The following STK10 variants were observed in gnomAD, a reference collection of about 807,000 sequenced individuals.
The protein encoded by STK10 is serine/threonine kinase 10.
STK10 carries 78 observed loss-of-function variants against 113.8 expected under a neutral mutation model. The observed-to-expected ratio is 0.69, with a 90% CI of 0.57 to 0.83. The LOEUF is 0.83. Ranked by LOEUF, STK10 falls within the 40% of genes least tolerant of loss-of-function variation. The probability of loss-of-function intolerance (pLI) is 0.00; values close to 1 mark genes in which losing one functional copy is unlikely to be tolerated. For missense variants in STK10, 1,109 were observed against 1,280.1 expected, an observed-to-expected ratio of 0.87 and a Z score of 2.04; for synonymous variants, 465 against 494.7, an observed-to-expected ratio of 0.94 and a Z score of 0.80.
Position 172,052,949 on chromosome 5 carries a change from T to C in STK10, c.2746A>G (p.Lys916Glu). ...HNQNLKEWRD[K>E]LRPRKKALEE... ...GTTACCTTCTTGCGCGGCCGAAGCT[T>C]GTCCCGCCATTCCTTCAGGTTCTGG... Residue 916 changes from lysine to glutamate, a missense_variant, in exon 18 of 19, where the codon AAG (lysine) becomes GAG (glutamate). Lys to Glu is a moderately conservative substitution (Grantham distance 56). Transcript: ENST00000176763. 1.2e-6 allele frequency: 2 copies of C among 1,614,108 alleles called. No homozygotes were observed. Among genetic ancestry groups the C allele is most frequent in the South Asian group, 1.1e-5 (1 of 91,074 alleles).
At chr5:172,176,477 G>A (rs537560062) in intron 1 of STK10, among the ~76,000 whole-genome samples, 38 of 152,192 alleles carry the variant, frequency 2.5e-4, no homozygotes, top group African/African-American at 9.2e-4. Context: ...CACCTGGTTC[G>A]GTCACCAGGG....
At position 172,133,463 on chromosome 5, in the gene STK10, AG is replaced by A. The variant is rs1219236788; in HGVS notation, c.322-6043del. 2.0e-5 allele frequency among the ~76,000 whole-genome samples: 3 copies of A among 152,076 alleles called. No homozygotes were observed. Among genetic ancestry groups the A allele is most frequent in the Non-Finnish European group, 2.9e-5 (2 of 68,020 alleles). On this transcript the variant is annotated intron_variant, in intron 2 of 18. Coordinates refer to ENST00000176763, the MANE Select transcript of STK10 (RefSeq NM_005990.4). This position sits in a 1 kb window ranked among gnomAD's most constrained non-coding sequence, Gnocchi z 4.9. ...AGGACTTACTCATCCCCTGCAAGGG[AG>A]GGGTAGAAGCAGGGTGCTAAGCCAG...
At chr5:172,078,300 T>C (rs1768355467) in intron 12 of STK10, among the ~76,000 whole-genome samples, 1 of 152,156 alleles carries the variant, frequency 6.6e-6, no homozygotes, top group Non-Finnish European at 1.5e-5. Flanking sequence ...AAAGTTTGCC[T>C]ACACAAAAGA....
chr5:172,128,382 C>T (rs1769674609), intron 2 of STK10, among the ~76,000 whole-genome samples: 1 of 148,104 alleles, frequency 6.8e-6, no homozygotes, highest in East Asian at 2.0e-4. Flanking sequence ...GCTCTTGTCA[C>T]CCAGGCTAGC....
intron 12 of STK10, among the ~76,000 whole-genome samples, chr5:172,065,028 C>G (rs1036118713): frequency 3.9e-5 from 6 of 152,336 alleles, no homozygotes; most frequent in African/African-American, 7.2e-5. Context: ...TCCAACTCCC[C>G]CAGAGTGGGC....
rs958064789 is a variant in STK10 at position 172,133,451 on chromosome 5, C to T, written c.322-6030G>A. Among the ~76,000 whole-genome samples the T allele has an allele frequency of 2.0e-5, 3 of 152,192 alleles. No homozygotes were observed. Among genetic ancestry groups the T allele is most frequent in the East Asian group, 3.9e-4 (2 of 5,192 alleles). On this transcript the variant is annotated intron_variant, in intron 2 of 18. Coordinates refer to ENST00000176763, the MANE Select transcript of STK10 (RefSeq NM_005990.4). The surrounding 1 kb of genome is among the most constrained non-coding windows in gnomAD (Gnocchi z 4.9). Reference sequence around the variant, plus strand: ...TGAGAACTGGGTAGGACTTACTCATCCCCTGCAAGGGAGGGGTAGAAGCAG... The same window carrying T: ...TGAGAACTGGGTAGGACTTACTCATTCCCTGCAAGGGAGGGGTAGAAGCAG...
At chr5:172,085,405 T>C (rs1768529854) in intron 10 of STK10, among the ~76,000 whole-genome samples, 1 of 152,086 alleles carries the variant, frequency 6.6e-6, no homozygotes. Flanking sequence ...AATTGCTATG[T>C]AGGCCGGGCG....
At chr5:172,105,340 G>A (rs570474349) in intron 7 of STK10, among the ~76,000 whole-genome samples, 26 of 151,968 alleles carry the variant, frequency 1.7e-4, no homozygotes, top group African/African-American at 5.5e-4. Context: ...GATCCCAGGC[G>A]CCCCACCCCT....
chr5:172,159,941 T>C (rs757543028), intron 1 of STK10, among the ~76,000 whole-genome samples: 2 of 149,920 alleles, frequency 1.3e-5, no homozygotes, highest in Admixed American at 6.7e-5. Flanking sequence ...TTTGAGACCA[T>C]CCTGACCAAC....
chr5:172,047,596 G>A (rs902397966), intron 18 of STK10, among the ~76,000 whole-genome samples: 3 of 152,188 alleles, frequency 2.0e-5, no homozygotes, highest in Non-Finnish European at 4.4e-5. Context: ...CTCCATGAGC[G>A]CAGGGAGGGA....
At chr5:172,119,593 G>A (rs1006614833) in intron 3 of STK10, among the ~76,000 whole-genome samples, 10 of 152,024 alleles carry the variant, frequency 6.6e-5, no homozygotes, top group East Asian at 1.9e-4. Flanking sequence ...GGCCAGGCGC[G>A]GTGGCTCACG....
chr5:172,136,691 T>C (rs7723657), intron 2 of STK10, among the ~76,000 whole-genome samples: 69,409 of 151,984 alleles, frequency 0.46, 17,407 homozygotes, highest in African/African-American at 0.69. Context: ...AGAGGAGGAA[T>C]GTGCCCACCT....
chr5:172,054,769 G>A, intron 16 of STK10, 75 bp from the exon 17 acceptor site: 1 of 1,587,820 alleles, frequency 6.3e-7, no homozygotes, highest in Non-Finnish European at 8.5e-7. Flanking sequence ...ACTCAGCCCT[G>A]GCCCAGGGAG....
At chr5:172,046,023 T>C (rs964281305) in intron 18 of STK10, among the ~76,000 whole-genome samples, 3 of 151,724 alleles carry the variant, frequency 2.0e-5, no homozygotes, top group Non-Finnish European at 2.9e-5. Context: ...AATCAAGATT[T>C]TAATGTAAAA....
chr5:172,082,850 A>G lies in STK10; in HGVS notation c.1809+111T>C. On this transcript the variant is annotated intron_variant, in intron 11 of 18. Transcript: ENST00000176763. This position sits in a 1 kb window ranked among gnomAD's most constrained non-coding sequence, Gnocchi z 4.3. ...ATCGGGAAGCCCCCAGGAATTGGGC[A>G]ATTGTTGTGAATTACTCTCCACTAC... 1.3e-6 allele frequency: 2 copies of G among 1,497,614 alleles called. No individual in the cohort carries two copies. The highest frequency in any genetic ancestry group is 1.8e-6 in the Non-Finnish European group (2 of 1,115,898). The allele number at this position is 1,497,614 out of a possible 1,614,324, so 92.8% of individuals were successfully genotyped here.
At position 172,137,298 on chromosome 5, in the gene STK10, A is replaced by G. The variant is rs367759846; in HGVS notation, c.322-9877T>C. 6.6e-5 allele frequency among the ~76,000 whole-genome samples: 10 copies of G among 152,302 alleles called. No homozygotes were observed. The East Asian group carries it at 1.2e-3, about 18-fold the overall frequency. ...TTGAATGCCTCTGACATACTGATGCAAAGATACTCAACAAAATACTTGCGA... is the reference window on the plus strand; with the variant it reads ...TTGAATGCCTCTGACATACTGATGCGAAGATACTCAACAAAATACTTGCGA... On this transcript the variant is annotated intron_variant, in intron 2 of 18. Transcript: ENST00000176763.
rs942634249 is a variant in STK10 at position 172,120,067 on chromosome 5, T to G, written c.371-2437A>C. Among the ~76,000 whole-genome samples, 20 of 149,982 alleles carry G rather than the reference T, an allele frequency of 1.3e-4. No homozygotes were observed. Among genetic ancestry groups the G allele is most frequent in the Non-Finnish European group, 2.4e-4 (16 of 67,458 alleles). ...TGTGGAGGCGGTGGGAGGAGGGGAG[T>G]GAGAAGATTCCAAGGTGACAGCCTT... On this transcript the variant is annotated intron_variant, in intron 3 of 18. Coordinates refer to ENST00000176763, the MANE Select transcript of STK10 (RefSeq NM_005990.4). The surrounding 1 kb of genome is among the most constrained non-coding windows in gnomAD (Gnocchi z 4.0).
chr5:172,065,127 T>A (rs1768041771), intron 12 of STK10, among the ~76,000 whole-genome samples: 1 of 152,192 alleles, frequency 6.6e-6, no homozygotes, highest in Non-Finnish European at 1.5e-5. Context: ...TCAACCTTTT[T>A]AAAAAATTAC....
chr5:172,186,824 T>C (rs1370869491), intron 1 of STK10, among the ~76,000 whole-genome samples: 1 of 151,958 alleles, frequency 6.6e-6, no homozygotes, highest in East Asian at 1.9e-4. Flanking sequence ...TAGGAACTAC[T>C]TCGGTAACTA....
Sources: gnomAD v4.1 joint callset for allele counts (sites outside exome capture counted in the v4.1 genomes callset) on GRCh38, gnomAD v4.1.1 for gene constraint, Gnocchi (gnomAD v3.1) non-coding constraint, MANE v1.5 for transcripts, NCBI Gene and HGNC (gene_info 2026-07-23, HGNC 2026-07-21) for gene names.